NPAS3: variants seen among roughly 807,000 people sequenced by gnomAD.
The protein encoded by NPAS3 is neuronal PAS domain protein 3, also known as neuronal PAS domain-containing protein 3.
A neutral mutation model predicts 73.1 loss-of-function variants in NPAS3; 14 were observed. That is an observed-to-expected ratio of 0.19 (90% CI 0.13 to 0.30). The LOEUF is 0.30. Among genes scored for constraint, NPAS3 ranks in the 10% least tolerant of loss-of-function variants. NPAS3 has a pLI of 1.00. For missense variants in NPAS3, 1,096 were observed against 1,250.0 expected, an observed-to-expected ratio of 0.88 and a Z score of 1.86; for synonymous variants, 620 against 541.5, an observed-to-expected ratio of 1.14 and a Z score of -2.01.
intron 1 of NPAS3, among the ~76,000 whole-genome samples, chr14:32,947,043 A>T (rs17099735): frequency 0.011 from 1,725 of 152,292 alleles, 38 homozygotes; most frequent in African/African-American, 0.04. Flanking sequence ...GTCCCACAGC[A>T]TTTTAAGACC....
At chr14:33,722,310 T>A (rs1404203764) in intron 6 of NPAS3, among the ~76,000 whole-genome samples, 2 of 152,138 alleles carry the variant, frequency 1.3e-5, no homozygotes, top group African/African-American at 4.8e-5. Context: ...TTCAACCCCA[T>A]TTTCCCCATC....
intron 3 of NPAS3, among the ~76,000 whole-genome samples, chr14:33,314,566 T>C (rs969156801): frequency 6.6e-6 from 1 of 152,042 alleles, no homozygotes; most frequent in Non-Finnish European, 1.5e-5. Flanking sequence ...AGTTGGCCTC[T>C]GAATACATGG....
chr14:33,001,468 T>C (rs2038804231), intron 1 of NPAS3, among the ~76,000 whole-genome samples: 1 of 152,200 alleles, frequency 6.6e-6, no homozygotes, highest in South Asian at 2.1e-4. Flanking sequence ...CTTTTTCACC[T>C]GAAATTTAGG....
intron 3 of NPAS3, among the ~76,000 whole-genome samples, chr14:33,279,470 A>G (rs1015138919): frequency 6.6e-6 from 1 of 152,154 alleles, no homozygotes; most frequent in African/African-American, 2.4e-5. Flanking sequence ...GAAGCTGCCA[A>G]TACAACTTTT....
chr14:33,771,404 TTTTC>T (rs1318544397), intron 7 of NPAS3, among the ~76,000 whole-genome samples: 24 of 152,330 alleles, frequency 1.6e-4, no homozygotes, highest in African/African-American at 4.1e-4. Context: ...GCTTTGGTAA[TTTTC>T]TTTGTTTTCT....
At position 33,351,379 on chromosome 14, in the gene NPAS3, T is replaced by C. The variant is rs1214961080; in HGVS notation, c.386-15807T>C. 2.0e-5 allele frequency among the ~76,000 whole-genome samples: 3 copies of C among 152,226 alleles called. No individual in the cohort carries two copies. The East Asian group carries it at 5.8e-4, about 29-fold the overall frequency. Reference sequence around the variant, plus strand: ...AGTCTGTTTGGTTTCTTCTACTCTGTATCCTCCTTGGAAAAAAAATGGAAG... The same window carrying C: ...AGTCTGTTTGGTTTCTTCTACTCTGCATCCTCCTTGGAAAAAAAATGGAAG... On this transcript the variant is annotated intron_variant, in intron 3 of 11. Transcript: ENST00000356141.
At chr14:33,074,041 G>A (rs1185469711) in intron 2 of NPAS3, among the ~76,000 whole-genome samples, 1 of 152,214 alleles carries the variant, frequency 6.6e-6, no homozygotes, top group Non-Finnish European at 1.5e-5. Context: ...TCTAGTCCCA[G>A]TATGCTGGCT....
intron 3 of NPAS3, among the ~76,000 whole-genome samples, chr14:33,331,181 C>T (rs547410243): frequency 2.0e-4 from 30 of 152,244 alleles, no homozygotes; most frequent in African/African-American, 4.1e-4. Context: ...AGTACCGAGA[C>T]ATTTTTAAGG....
At chr14:33,649,647 A>G (rs552271871) in intron 5 of NPAS3, among the ~76,000 whole-genome samples, 142 of 152,292 alleles carry the variant, frequency 9.3e-4, no homozygotes, top group Middle Eastern at 3.4e-3. Flanking sequence ...CATGAGGTGG[A>G]AGAAGTGAGC....
At chr14:33,543,460 T>C (rs2054612905) in intron 4 of NPAS3, among the ~76,000 whole-genome samples, 1 of 152,160 alleles carries the variant, frequency 6.6e-6, no homozygotes, top group South Asian at 2.1e-4. Context: ...GAAGGAGTGT[T>C]CAAATACAAC....
At chr14:33,196,891 C>G (rs1183063230) in intron 2 of NPAS3, among the ~76,000 whole-genome samples, 1 of 152,120 alleles carries the variant, frequency 6.6e-6, no homozygotes, top group East Asian at 1.9e-4. Flanking sequence ...TATCCTTGTG[C>G]AATTCAATAA....
intron 4 of NPAS3, among the ~76,000 whole-genome samples, chr14:33,528,342 G>A (rs1427433014): frequency 6.6e-6 from 1 of 151,790 alleles, no homozygotes; most frequent in Non-Finnish European, 1.5e-5. Context: ...GAAGCCTCAT[G>A]CCATGCTCTG....
chr14:33,403,744 CATGAATGAACT>C (rs1395427260), intron 4 of NPAS3, among the ~76,000 whole-genome samples: 1 of 152,090 alleles, frequency 6.6e-6, no homozygotes, highest in African/African-American at 2.4e-5. Flanking sequence ...GACATACCTT[CATGAATGAACT>C]ATTATTGTGG....
chr14:33,664,290 C>T (rs549357562), intron 5 of NPAS3, among the ~76,000 whole-genome samples: 25 of 152,198 alleles, frequency 1.6e-4, no homozygotes, highest in Admixed American at 8.5e-4. Context: ...ATTTAACAAA[C>T]GGTGTTGAGA....
At chr14:33,259,520 T>C (rs1242732504) in intron 3 of NPAS3, among the ~76,000 whole-genome samples, 4 of 152,234 alleles carry the variant, frequency 2.6e-5, no homozygotes, top group Non-Finnish European at 1.5e-5. Context: ...AAACAAAACA[T>C]AAGCATAAAT....
intron 6 of NPAS3, among the ~76,000 whole-genome samples, chr14:33,690,784 A>G (rs903813082): frequency 2.0e-5 from 3 of 151,602 alleles, no homozygotes; most frequent in Admixed American, 2.0e-4. Context: ...ACTCCACTGC[A>G]TATTTGATTC....
At chr14:33,503,647 A>G (rs7157489) in intron 4 of NPAS3, among the ~76,000 whole-genome samples, 37,159 of 151,904 alleles carry the variant, frequency 0.24, 4,937 homozygotes, top group African/African-American at 0.34. Context: ...GAGCCTCATT[A>G]AAAATGTAAT....
chr14:33,792,642 AT>A (rs2063394272), intron 9 of NPAS3, among the ~76,000 whole-genome samples: 1 of 151,870 alleles, frequency 6.6e-6, no homozygotes. Flanking sequence ...TGAAGCACTT[AT>A]TAGCCGTAAT....
chr14:33,269,050 G>A (rs982539812), intron 3 of NPAS3, among the ~76,000 whole-genome samples: 12 of 152,058 alleles, frequency 7.9e-5, no homozygotes, highest in African/African-American at 2.4e-4. Flanking sequence ...TTGTTTCCCC[G>A]ATTTCCAGGC....
Sources: gnomAD v4.1 joint callset for allele counts (sites outside exome capture counted in the v4.1 genomes callset) on GRCh38, gnomAD v4.1.1 for gene constraint, MANE v1.5 for transcripts, NCBI Gene and HGNC (gene_info 2026-07-23, HGNC 2026-07-21) for gene names.